The following ING5 variants were observed in gnomAD, a reference collection of about 807,000 sequenced individuals.
ING5 encodes the protein inhibitor of growth family member 5.
In ING5, 17 loss-of-function variants were observed where a neutral mutation model predicts 37.4. The ratio of observed to expected loss-of-function variants is 0.45; its 90% CI spans 0.31 to 0.68. ING5 has a LOEUF of 0.68. Ranked by LOEUF, ING5 falls within the 30% of genes least tolerant of loss-of-function variation. The pLI is 0.05. For missense variants in ING5, 233 were observed against 311.9 expected, an observed-to-expected ratio of 0.75 and a Z score of 1.91; for synonymous variants, 123 against 116.6, an observed-to-expected ratio of 1.06 and a Z score of -0.36.
chr2:241,702,164 CCCG>C, intron 1 of ING5, 62 bp downstream of exon 1: 9 of 1,072,098 alleles, frequency 8.4e-6, no homozygotes, highest in Non-Finnish European at 1.0e-5. Flanking sequence ...GCCGCAGCCC[CCCG>C]CGCGCCGGGC....
At chr2:241,693,869 G>A (rs1171512088) in intron 2 of ING5, among the ~76,000 whole-genome samples, 4 of 151,016 alleles carry the variant, frequency 2.6e-5, no homozygotes, top group Non-Finnish European at 5.9e-5. Context: ...ATGTTGGCCA[G>A]GCTGGTCTCG....
chr2:241,709,108 C>T lies in ING5; in HGVS notation c.110-108C>T, dbSNP rs1304548909. The T allele has an allele frequency of 9.1e-6, 11 of 1,206,518 alleles. No homozygotes were observed. In the South Asian group the frequency reaches 1.4e-4, roughly 16 times the overall value. 74.7% of individuals were successfully genotyped at this position (1,206,518 alleles called of 1,614,324 possible). On this transcript the variant is annotated intron_variant, in intron 2 of 7. Coordinates refer to ENST00000313552, the MANE Select transcript of ING5 (RefSeq NM_032329.6). Reference sequence around the variant, plus strand: ...CAGCACAGCGTGAGTTCATGTCAGCCTACATCTTTGCCACAACTTGGCGTT... The same window carrying T: ...CAGCACAGCGTGAGTTCATGTCAGCTTACATCTTTGCCACAACTTGGCGTT...
At chr2:241,697,298 G>A (rs2069644603), upstream of ING5, among the ~76,000 whole-genome samples, 2 of 151,362 alleles carry the variant, frequency 1.3e-5, no homozygotes, top group South Asian at 4.2e-4. Flanking sequence ...AGACAGGCGT[G>A]GTGTCGGGCG....
At chr2:241,689,660 C>T (rs1437714813) in intron 1 of ING5, among the ~76,000 whole-genome samples, 1 of 152,208 alleles carries the variant, frequency 6.6e-6, no homozygotes. Flanking sequence ...AGAAGTAAAC[C>T]ATCGTGATTT....
intron 2 of ING5, among the ~76,000 whole-genome samples, chr2:241,708,552 T>A (rs1467154154): frequency 1.3e-5 from 2 of 152,222 alleles, no homozygotes; most frequent in African/African-American, 4.8e-5. Context: ...GTTGTGTCTG[T>A]TTCTGCTCTT....
chr2:241,715,772 C>T (rs1002764461), intron 5 of ING5, among the ~76,000 whole-genome samples: 1 of 149,704 alleles, frequency 6.7e-6, no homozygotes, highest in Non-Finnish European at 1.5e-5. Flanking sequence ...CAGGCGTGAG[C>T]CACCGCACCT....
chr2:241,709,477 C>A, intron 3 of ING5, 95 bp downstream of exon 3: 4 of 1,209,262 alleles, frequency 3.3e-6, no homozygotes, highest in Non-Finnish European at 4.6e-6. Flanking sequence ...TGGGCATAGC[C>A]AAGTGGAAGG....
chr2:241,697,944 G>T (rs1275273228), upstream of ING5, among the ~76,000 whole-genome samples: 1 of 152,080 alleles, frequency 6.6e-6, no homozygotes, highest in Non-Finnish European at 1.5e-5. Flanking sequence ...TTAGCCAGGC[G>T]TGGTGGTGCC....
chr2:241,706,639 A>AG (rs1234033691), intron 2 of ING5, among the ~76,000 whole-genome samples: 2 of 151,676 alleles, frequency 1.3e-5, no homozygotes, highest in African/African-American at 2.4e-5. Context: ...AAAAAAAAAA[A>AG]AAAAGAAAAA....
upstream of ING5, among the ~76,000 whole-genome samples, chr2:241,701,826 C>A (rs2069732672): frequency 6.6e-6 from 1 of 151,996 alleles, no homozygotes; most frequent in Admixed American, 6.5e-5. Flanking sequence ...TGCTCCTCCT[C>A]GGCCTCCGAT....
rs947254038 is a variant in ING5, at chr2:241,721,582, A to G, written c.483-1357A>G. On this transcript the variant is annotated intron_variant, in intron 5 of 7. Coordinates refer to ENST00000313552, the MANE Select transcript of ING5 (RefSeq NM_032329.6). ...AGTGTTGATTCCCTCTGGGACCCAG[A>G]CTTCTGCTCCTTGGCTTTCCCTGAT... 5.1e-6 allele frequency: 5 copies of G among 985,280 alleles called. No homozygotes were observed. The African/African-American group carries it at 7.0e-5, about 14-fold the overall frequency. The allele number at this position is 985,280 out of a possible 1,614,324, so 61.0% of individuals were successfully genotyped here.
At chr2:241,724,750 A>G (rs112246762) in intron 7 of ING5, 27,860 of 536,544 alleles carry the variant, frequency 0.052, 2,890 homozygotes, top group African/African-American at 0.36. Flanking sequence ...CTGGGTGTCA[A>G]ATCGGTTTTG....
At chr2:241,687,258 G>A (rs2069451102) in exon 1 of ING5, 1 of 397,890 alleles carries the variant, frequency 2.5e-6, no homozygotes, top group Non-Finnish European at 4.4e-6. Context: ...TGAGGGCTCC[G>A]GTCACGCGGC....
chr2:241,711,501 A>AT lies in ING5; in HGVS notation c.388+21dup, dbSNP rs768022504. 1.5e-5 allele frequency: 24 copies of AT among 1,560,634 alleles called. No homozygotes were observed. Among genetic ancestry groups the AT allele is most frequent in the African/African-American group, 2.8e-5 (2 of 72,286 alleles). On this transcript the variant is annotated intron_variant, in intron 4 of 7. Transcript: ENST00000313552. ...CGAGGGTTAAAAAGCAAGTCTGTTAATTTTTTTTCTTTATTTTATTACTGT... is the reference window on the plus strand; with the variant it reads ...CGAGGGTTAAAAAGCAAGTCTGTTAATTTTTTTTTCTTTATTTTATTACTGT...
Position 241,696,617 on chromosome 2 carries a change from C to G in ING5, c.43+5964C>G, listed in dbSNP as rs150830916. Among the ~76,000 whole-genome samples, 20 of 151,980 alleles carry G rather than the reference C, an allele frequency of 1.3e-4. No individual in the cohort carries two copies. In the East Asian group the frequency reaches 3.9e-3, roughly 29 times the overall value. On this transcript the variant is annotated intron_variant, in intron 2 of 7. Transcript: ENST00000636051. ...CCTGGGCAACATAGATACCCCAACT[C>G]TACAGAAAAAAAATTAAAAATTAGC...
At position 241,728,699 on chromosome 2, in the gene ING5, CT is replaced by C. The variant is rs1480694316; in HGVS notation, c.*3669del. 6.6e-6 allele frequency: 1 copy of C among 151,892 alleles called. No individual in the cohort carries two copies. The highest frequency in any genetic ancestry group is 1.5e-5 in the Non-Finnish European group (1 of 67,944). 9.4% of individuals were successfully genotyped at this position (151,892 alleles called of 1,614,324 possible). ...GCCCGTCTCATGCTGGACGGGACCCCTGGGCGGGTGGACATGAGACCACTGT... is the reference window on the plus strand; with the variant it reads ...GCCCGTCTCATGCTGGACGGGACCCCGGGCGGGTGGACATGAGACCACTGT... On this transcript the variant is annotated 3_prime_UTR_variant, in exon 8 of 8. Transcript: ENST00000313552.
intron 3 of ING5, 97 bp downstream of exon 3, chr2:241,709,479 A>G (rs1196332892): frequency 3.4e-6 from 4 of 1,187,860 alleles, no homozygotes; most frequent in African/African-American, 3.1e-5. Flanking sequence ...GGCATAGCCA[A>G]GTGGAAGGCT....
At chr2:241,702,222 C>T (rs1482396330) in intron 1 of ING5, 120 bp downstream of exon 1, 2 of 308,144 alleles carry the variant, frequency 6.5e-6, no homozygotes, top group Admixed American at 6.7e-5. Flanking sequence ...CGGGCGCGGC[C>T]GGGCGCGACG....
At chr2:241,721,280 T>G (rs2070428629) in intron 5 of ING5, 7 of 985,454 alleles carry the variant, frequency 7.1e-6, no homozygotes, top group Non-Finnish European at 8.4e-6. Context: ...ACCCGAAGAC[T>G]ACTTGAGACT....
Sources: allele counts gnomAD v4.1 joint callset (sites outside exome capture counted in the v4.1 genomes callset), GRCh38; gene constraint gnomAD v4.1.1; transcripts MANE v1.5; gene names NCBI Gene and HGNC (gene_info 2026-07-23, HGNC 2026-07-21).